Variants in DPY19L1 observed in about 807,000 individuals in gnomAD.
DPY19L1 encodes the protein dpy-19 like C-mannosyltransferase 1, also known as protein C-mannosyl-transferase DPY19L1.
In DPY19L1, 35 loss-of-function variants were observed where a neutral mutation model predicts 96.9. The ratio of observed to expected loss-of-function variants is 0.36; its 90% CI spans 0.28 to 0.48. The LOEUF (loss-of-function observed/expected upper bound fraction) is 0.48, where lower values mean the gene tolerates loss of function less well. Among genes scored for constraint, DPY19L1 ranks in the 20% least tolerant of loss-of-function variants. The pLI, the probability that DPY19L1 is intolerant of heterozygous loss-of-function variation, is 0.99. For missense variants in DPY19L1, 521 were observed against 777.9 expected (o/e 0.67, Z 3.93); for synonymous variants, 205 against 252.6 (o/e 0.81, Z 1.79).
chr7:34,996,941 A>T (rs974257997), intron 6 of DPY19L1, among the ~76,000 whole-genome samples: 1 of 152,190 alleles, frequency 6.6e-6, no homozygotes, highest in Non-Finnish European at 1.5e-5. Context: ...GCTGATGCAG[A>T]GTCATCCCAG....
At chr7:34,964,548 A>C (rs531304357) in intron 10 of DPY19L1, among the ~76,000 whole-genome samples, 2 of 152,220 alleles carry the variant, frequency 1.3e-5, no homozygotes, top group Admixed American at 6.5e-5. Context: ...TGTTTAGCCC[A>C]GAAAAGCAAG....
At chr7:35,034,932 AG>A (rs1265796125) in intron 1 of DPY19L1, among the ~76,000 whole-genome samples, 2 of 152,120 alleles carry the variant, frequency 1.3e-5, no homozygotes, top group African/African-American at 2.4e-5. Flanking sequence ...TCATTCTGGG[AG>A]GGGGGAAGAA....
intron 9 of DPY19L1, 33 bp from the exon 10 acceptor site, chr7:34,967,004 G>T (rs772013206): frequency 6.9e-7 from 1 of 1,443,342 alleles, no homozygotes. Flanking sequence ...AAGTAAAAAA[G>T]ATAAAATGAA....
At chr7:35,017,175 A>G (rs1306540672) in intron 3 of DPY19L1, among the ~76,000 whole-genome samples, 2 of 152,082 alleles carry the variant, frequency 1.3e-5, no homozygotes, top group Admixed American at 1.3e-4. Context: ...GCATGAAATG[A>G]TATAATGTCT....
At chr7:35,016,317 AT>A (rs1285732496) in intron 3 of DPY19L1, among the ~76,000 whole-genome samples, 1 of 152,218 alleles carries the variant, frequency 6.6e-6, no homozygotes, top group Non-Finnish European at 1.5e-5. Flanking sequence ...AGTTTACAAA[AT>A]ATGTTAAAAT....
chr7:34,933,843 GAA>G (rs1783808899), intron 21 of DPY19L1, among the ~76,000 whole-genome samples: 1 of 152,196 alleles, frequency 6.6e-6, no homozygotes, highest in Admixed American at 6.5e-5. Flanking sequence ...CCCTACTTTT[GAA>G]GTTTTGGGAC....
chr7:34,939,363 G>A lies in DPY19L1; in HGVS notation c.1877C>T (p.Ala626Val), dbSNP rs1448866263. The stretch of plus-strand genomic sequence containing the variant: ...ACTTGCCATCGTGGGCATGGCACCC[G>A]CAAACACTGCATCTGGAAGGCAAGA... Reference protein sequence around the residue: ...KYSTKPDAVFAGAMPTMASVK... With the variant: ...KYSTKPDAVFVGAMPTMASVK... Residue 626 changes from alanine to valine, a missense_variant, in exon 20 of 22, where the codon GCG becomes GTG. Ala to Val is a moderately conservative substitution (Grantham distance 64). Coordinates refer to ENST00000638088, the MANE Select transcript of DPY19L1 (RefSeq NM_001366673.1). The A allele has an allele frequency of 1.4e-5, 23 of 1,613,612 alleles. No homozygotes were observed. Among genetic ancestry groups the A allele is most frequent in the Non-Finnish European group, 1.8e-5 (21 of 1,179,824 alleles).
At chr7:34,939,642 T>C (rs1422150641) in intron 19 of DPY19L1, among the ~76,000 whole-genome samples, 1 of 152,220 alleles carries the variant, frequency 6.6e-6, no homozygotes, top group Non-Finnish European at 1.5e-5. Flanking sequence ...GAAAAAATCT[T>C]AGAAATCTTT....
At chr7:34,962,948 AC>A (rs1353567239) in intron 10 of DPY19L1, among the ~76,000 whole-genome samples, 1 of 152,124 alleles carries the variant, frequency 6.6e-6, no homozygotes, top group African/African-American at 2.4e-5. Flanking sequence ...TAATCCCAGC[AC>A]TTTGGGAGGC....
intron 1 of DPY19L1, among the ~76,000 whole-genome samples, chr7:35,030,782 T>C (rs1184793756): frequency 4.6e-5 from 7 of 152,228 alleles, no homozygotes; most frequent in Admixed American, 4.6e-4. Context: ...TTCTGCTTTT[T>C]AAATGTATTT....
At chr7:34,948,657 A>G (rs1185317746) in intron 14 of DPY19L1, among the ~76,000 whole-genome samples, 4 of 152,242 alleles carry the variant, frequency 2.6e-5, no homozygotes, top group African/African-American at 4.8e-5. Flanking sequence ...GATGTTCTCA[A>G]TAACATTAAA....
At chr7:35,010,804 G>A (rs1785692543) in intron 5 of DPY19L1, among the ~76,000 whole-genome samples, 2 of 152,122 alleles carry the variant, frequency 1.3e-5, no homozygotes, top group South Asian at 4.1e-4. Context: ...GAGGTATGGG[G>A]TCTATAGCCC....
intron 3 of DPY19L1, among the ~76,000 whole-genome samples, chr7:35,014,804 A>G (rs1434390088): frequency 6.6e-6 from 1 of 152,170 alleles, no homozygotes; most frequent in Non-Finnish European, 1.5e-5. Flanking sequence ...ATATTGGATT[A>G]AGGTGGACTC....
chr7:34,959,637 C>T (rs1584218858), intron 10 of DPY19L1, among the ~76,000 whole-genome samples: 1 of 151,480 alleles, frequency 6.6e-6, no homozygotes, highest in Admixed American at 6.6e-5. Flanking sequence ...CACTGCATGT[C>T]CTCACTCATA....
Position 34,969,483 on chromosome 7 carries a change from C to T in DPY19L1, c.964G>A (p.Val322Ile), listed in dbSNP as rs201226448. ...GSLIALCISN[V>I]FFMLPWQFAQ... is the part of the protein sequence containing the mutation. ...AACTGCCAAGGAAGCATGAAAAATACATTGGAAATGCAGAGTGCAATCAAG... is the reference window on the plus strand; with the variant it reads ...AACTGCCAAGGAAGCATGAAAAATATATTGGAAATGCAGAGTGCAATCAAG... The change falls in exon 9 of 22, where the codon GTA (valine) becomes ATA (isoleucine). Residue 322 changes from valine (V) to isoleucine (I), a missense_variant. Coordinates refer to ENST00000638088, the MANE Select transcript of DPY19L1 (RefSeq NM_001366673.1). The T allele has an allele frequency of 6.3e-7, 1 of 1,576,526 alleles. No individual in the cohort carries two copies.
At chr7:35,027,297 T>C (rs1312264971) in intron 1 of DPY19L1, among the ~76,000 whole-genome samples, 2 of 152,206 alleles carry the variant, frequency 1.3e-5, no homozygotes, top group Admixed American at 6.5e-5. Flanking sequence ...ACAGCTGTTA[T>C]CACTAACACG....
chr7:34,963,116 AC>A (rs1227724145), intron 10 of DPY19L1, among the ~76,000 whole-genome samples: 2 of 145,190 alleles, frequency 1.4e-5, no homozygotes, highest in Admixed American at 7.1e-5. Context: ...AATCGCTTGA[AC>A]CCGGGAGGCG....
At chr7:34,945,738 CTT>C (rs778647983) in intron 15 of DPY19L1, 22 bp from the exon 16 acceptor site, 3 of 1,541,144 alleles carry the variant, frequency 1.9e-6, no homozygotes, top group Non-Finnish European at 2.7e-6. Flanking sequence ...TTTTGAAACA[CTT>C]TAGAAAAGCT....
upstream of DPY19L1, chr7:35,037,661 A>T (rs1381855324): frequency 8.1e-6 from 2 of 247,878 alleles, no homozygotes; most frequent in Non-Finnish European, 1.3e-5. Flanking sequence ...GCGACCGCGG[A>T]ACGCCGGGGG....
Sources: gnomAD v4.1 joint callset for allele counts (sites outside exome capture counted in the v4.1 genomes callset) on GRCh38, gnomAD v4.1.1 for gene constraint, MANE v1.5 for transcripts, NCBI Gene and HGNC (gene_info 2026-07-23, HGNC 2026-07-21) for gene names.